The following EML6 variants were observed in gnomAD, a reference collection of about 807,000 sequenced individuals.
The protein encoded by EML6 is echinoderm microtubule-associated protein-like 6.
A neutral mutation model predicts 240.1 loss-of-function variants in EML6; 154 were observed. The ratio of observed to expected loss-of-function variants is 0.64; its 90% CI spans 0.56 to 0.73. The LOEUF is 0.73. Ranked by LOEUF, EML6 falls within the 30% of genes least tolerant of loss-of-function variation. The pLI, the probability that EML6 is intolerant of heterozygous loss-of-function variation, is 0.00. For missense variants in EML6, 2,964 were observed against 2,474.6 expected, an observed-to-expected ratio of 1.20 and a Z score of -4.20; for synonymous variants, 1,148 against 899.0, an observed-to-expected ratio of 1.28 and a Z score of -4.95.
At chr2:54,937,155 G>T (rs1456713083) in intron 28 of EML6, among the ~76,000 whole-genome samples, 1 of 151,814 alleles carries the variant, frequency 6.6e-6, no homozygotes, top group African/African-American at 2.4e-5. Flanking sequence ...GCACATGCCT[G>T]TAATCCCAGC....
chr2:54,962,744 A>G, intron 36 of EML6, 33 bp downstream of exon 36: 2 of 1,435,328 alleles, frequency 1.4e-6, no homozygotes, highest in Non-Finnish European at 1.8e-6. Context: ...TCAGATGCCC[A>G]CGAGTGGGCT....
chr2:54,921,443 A>G (rs1361711716), intron 26 of EML6, among the ~76,000 whole-genome samples: 3 of 152,126 alleles, frequency 2.0e-5, no homozygotes, highest in Non-Finnish European at 4.4e-5. Flanking sequence ...AAATAAATGG[A>G]AAGAGATCCT....
intron 10 of EML6, among the ~76,000 whole-genome samples, chr2:54,852,744 A>G (rs1253907473): frequency 6.6e-6 from 1 of 152,238 alleles, no homozygotes; most frequent in African/African-American, 2.4e-5. Flanking sequence ...AGTATTATAT[A>G]AGGGCATTTA....
chr2:54,725,626 G>A lies in EML6; in HGVS notation c.197+368G>A, dbSNP rs376407855. Among the ~76,000 whole-genome samples, 1 of 152,164 alleles carries A rather than the reference G, an allele frequency of 6.6e-6. No homozygotes were observed. The highest frequency in any genetic ancestry group is 2.1e-4 in the South Asian group (1 of 4,828). On this transcript the variant is annotated intron_variant, in intron 2 of 41. Transcript: ENST00000356458. This position sits in a 1 kb window ranked among gnomAD's most constrained non-coding sequence, Gnocchi z 4.3. Reference sequence around the variant, plus strand: ...CACGGTAGGACCAATAACCTGAAGTGTGGGCATCATCTTTGGGAGGCTCCT... The same window carrying A: ...CACGGTAGGACCAATAACCTGAAGTATGGGCATCATCTTTGGGAGGCTCCT...
At chr2:54,856,859 A>G (rs931747060) in intron 11 of EML6, among the ~76,000 whole-genome samples, 15 of 152,182 alleles carry the variant, frequency 9.9e-5, no homozygotes, top group Non-Finnish European at 4.4e-5. Flanking sequence ...AGGAAAAGGG[A>G]GGTTTCAAGT....
At chr2:54,898,252 A>G (rs1672873341) in intron 21 of EML6, among the ~76,000 whole-genome samples, 1 of 152,122 alleles carries the variant, frequency 6.6e-6, no homozygotes, top group Admixed American at 6.5e-5. Flanking sequence ...CCTGTGTTAC[A>G]CGGGGATTAA....
chr2:54,818,235 T>G (rs1668165438), intron 4 of EML6, among the ~76,000 whole-genome samples: 1 of 149,858 alleles, frequency 6.7e-6, no homozygotes, highest in African/African-American at 2.4e-5. Flanking sequence ...TGTAATCACT[T>G]TGGCTTGTAT....
intron 2 of EML6, among the ~76,000 whole-genome samples, chr2:54,756,764 A>G (rs986749922): frequency 7.9e-5 from 12 of 152,052 alleles, no homozygotes; most frequent in Non-Finnish European, 1.6e-4. Context: ...CTGAAATTTA[A>G]CAATAATGTG....
intron 24 of EML6, among the ~76,000 whole-genome samples, chr2:54,904,531 G>C (rs535993733): frequency 6.6e-6 from 1 of 152,308 alleles, no homozygotes; most frequent in South Asian, 2.1e-4. Flanking sequence ...AAATCCACCA[G>C]ATAGCGCTAT....
intron 15 of EML6, among the ~76,000 whole-genome samples, chr2:54,871,073 CCTT>C (rs1671231512): frequency 6.6e-6 from 1 of 152,158 alleles, no homozygotes; most frequent in Non-Finnish European, 1.5e-5. Context: ...CGGGGCCAGG[CCTT>C]CTTCTGGTGG....
intron 2 of EML6, among the ~76,000 whole-genome samples, chr2:54,784,416 C>G (rs1668987069): frequency 6.6e-6 from 1 of 152,004 alleles, no homozygotes; most frequent in African/African-American, 2.4e-5. Context: ...AACTTGTTAC[C>G]ATATGTATTT....
At chr2:54,843,901 A>C (rs1669603450) in intron 7 of EML6, 146 bp from the exon 8 acceptor site, 1 of 642,304 alleles carries the variant, frequency 1.6e-6, no homozygotes, top group African/African-American at 1.8e-5. Context: ...CTCTGCCTCC[A>C]AGAGTCTTTA....
At chr2:54,959,337 T>G in intron 34 of EML6, 76 bp downstream of exon 34, 1 of 1,371,844 alleles carries the variant, frequency 7.3e-7, no homozygotes, top group Middle Eastern at 2.2e-4. Context: ...TGTTCCCAAC[T>G]TGGAGAAAAT....
At chr2:54,779,376 TA>T (rs368167674) in intron 2 of EML6, among the ~76,000 whole-genome samples, 8 of 146,796 alleles carry the variant, frequency 5.4e-5, no homozygotes, top group African/African-American at 5.0e-5. Flanking sequence ...CTGTCTCTAC[TA>T]AAAAAAAAAT....
chr2:54,802,045 C>T (rs1236187796), intron 2 of EML6, among the ~76,000 whole-genome samples: 1 of 152,134 alleles, frequency 6.6e-6, no homozygotes, highest in Non-Finnish European at 1.5e-5. Flanking sequence ...CTATACATGT[C>T]AACTTACTCA....
chr2:54,834,689 C>T (rs1669043379), intron 7 of EML6, among the ~76,000 whole-genome samples: 1 of 152,150 alleles, frequency 6.6e-6, no homozygotes, highest in Non-Finnish European at 1.5e-5. Context: ...GGACTATAAA[C>T]TCCGCATCCA....
chr2:54,844,839 G>A (rs1340964760), intron 8 of EML6, among the ~76,000 whole-genome samples: 2 of 152,166 alleles, frequency 1.3e-5, no homozygotes, highest in Non-Finnish European at 2.9e-5. Flanking sequence ...GGTAAAATGA[G>A]CACAATGACT....
chr2:54,782,647 C>G (rs1572890412), intron 2 of EML6, among the ~76,000 whole-genome samples: 1 of 148,930 alleles, frequency 6.7e-6, no homozygotes, highest in Admixed American at 6.7e-5. Flanking sequence ...TTATAAGTAT[C>G]TCTATTAGAC....
chr2:54,941,349 G>C (rs1200770788), intron 28 of EML6, among the ~76,000 whole-genome samples: 1 of 152,130 alleles, frequency 6.6e-6, no homozygotes, highest in Non-Finnish European at 1.5e-5. Context: ...CAGGAGATCT[G>C]TGGGAATTTC....
Sources: gnomAD v4.1 joint callset for allele counts (sites outside exome capture counted in the v4.1 genomes callset) on GRCh38, gnomAD v4.1.1 for gene constraint, Gnocchi (gnomAD v3.1) non-coding constraint, MANE v1.5 for transcripts, NCBI Gene and HGNC (gene_info 2026-07-23, HGNC 2026-07-21) for gene names.